The following KIAA1217 variants were observed in gnomAD, a reference collection of about 807,000 sequenced individuals.
The protein encoded by KIAA1217 is sickle tail protein homolog.
A neutral mutation model predicts 163.9 loss-of-function variants in KIAA1217; 88 were observed. The ratio of observed to expected loss-of-function variants is 0.54; its 90% CI spans 0.45 to 0.64. The LOEUF is 0.64. KIAA1217 is among the 30% of genes least tolerant of loss of function. KIAA1217 has a pLI of 0.00. For synonymous variants in KIAA1217, 903 were observed against 923.1 expected, an observed-to-expected ratio of 0.98 and a Z score of 0.39; for missense variants, 2,372 against 2,475.0, an observed-to-expected ratio of 0.96 and a Z score of 0.88.
At chr10:23,802,149 G>A (rs939283503) in intron 1 of KIAA1217, among the ~76,000 whole-genome samples, 1 of 152,124 alleles carries the variant, frequency 6.6e-6, no homozygotes, top group East Asian at 1.9e-4. Flanking sequence ...TTCAGATGAA[G>A]GGCAGATACA....
At chr10:24,350,832 A>AC (rs924208229) in intron 2 of KIAA1217, among the ~76,000 whole-genome samples, 2 of 151,792 alleles carry the variant, frequency 1.3e-5, no homozygotes, top group African/African-American at 4.8e-5. Context: ...AGTGAGAGAA[A>AC]AAAAAAAAAC....
At chr10:24,283,253 C>T (rs1240847104) in intron 2 of KIAA1217, among the ~76,000 whole-genome samples, 2 of 152,150 alleles carry the variant, frequency 1.3e-5, no homozygotes, top group Non-Finnish European at 2.9e-5. Flanking sequence ...CCCAGAATGT[C>T]ATATAATTAG....
At chr10:23,934,573 A>ATATGTGTGTGTGTGTGTGTATG (rs1335117690) in intron 1 of KIAA1217, among the ~76,000 whole-genome samples, 1 of 75,170 alleles carries the variant, frequency 1.3e-5, no homozygotes, top group Non-Finnish European at 2.1e-5. Context: ...ATATATATAT[A>ATATGTGTGTGTGTGTGTGTATG]TATATATATA....
chr10:24,397,113 T>C (rs1177539828), intron 3 of KIAA1217, among the ~76,000 whole-genome samples: 1 of 148,108 alleles, frequency 6.8e-6, no homozygotes, highest in Non-Finnish European at 1.5e-5. Flanking sequence ...AAACTCTTTT[T>C]TTTTTTTTTT....
intron 2 of KIAA1217, among the ~76,000 whole-genome samples, chr10:24,169,158 A>G (rs1468529796): frequency 1.3e-5 from 2 of 152,224 alleles, no homozygotes; most frequent in Non-Finnish European, 2.9e-5. Context: ...GTTGATCTTC[A>G]TTTATTATTT....
chr10:23,727,812 G>A (rs1027174199), intron 1 of KIAA1217, among the ~76,000 whole-genome samples: 7 of 151,980 alleles, frequency 4.6e-5, no homozygotes, highest in Admixed American at 3.3e-4. Context: ...CCCACCTCCC[G>A]ATGGGCCCTT....
chr10:24,411,802 T>G (rs569870530), intron 3 of KIAA1217, among the ~76,000 whole-genome samples: 89 of 152,184 alleles, frequency 5.8e-4, no homozygotes, highest in African/African-American at 2.0e-3. Context: ...TCTCATCTAA[T>G]TGAACACTAG....
At chr10:24,242,632 T>G (rs1458532957) in intron 2 of KIAA1217, among the ~76,000 whole-genome samples, 1 of 152,186 alleles carries the variant, frequency 6.6e-6, no homozygotes, top group Non-Finnish European at 1.5e-5. Flanking sequence ...AGTCAAATGG[T>G]AGTTCTGTTT....
intron 2 of KIAA1217, among the ~76,000 whole-genome samples, chr10:24,227,261 G>A (rs965476032): frequency 4.7e-5 from 7 of 148,108 alleles, no homozygotes; most frequent in East Asian, 4.1e-4. Flanking sequence ...GGGTTCAAGC[G>A]ATTCTCCTGC....
At chr10:23,780,674 A>T (rs1395140942) in intron 1 of KIAA1217, among the ~76,000 whole-genome samples, 1 of 151,556 alleles carries the variant, frequency 6.6e-6, no homozygotes, top group African/African-American at 2.4e-5. Context: ...GATATACCAG[A>T]TTTTCTTTTT....
intron 1 of KIAA1217, among the ~76,000 whole-genome samples, chr10:23,828,288 G>A (rs1838000733): frequency 6.6e-6 from 1 of 152,080 alleles, no homozygotes; most frequent in South Asian, 2.1e-4. Context: ...GTTCTAGCTT[G>A]GGTAGCCAGG....
intron 5 of KIAA1217, among the ~76,000 whole-genome samples, chr10:24,469,820 C>T (rs2063314990): frequency 6.6e-6 from 1 of 152,164 alleles, no homozygotes; most frequent in African/African-American, 2.4e-5. Flanking sequence ...CCACGTTGGC[C>T]AGGCTGGTCT....
intron 1 of KIAA1217, among the ~76,000 whole-genome samples, chr10:23,757,380 C>T (rs1037814728): frequency 2.0e-5 from 3 of 152,094 alleles, no homozygotes; most frequent in Non-Finnish European, 4.4e-5. Flanking sequence ...CCACTAACAC[C>T]GGTCATTTTT....
chr10:24,128,356 A>C (rs1167081279), intron 2 of KIAA1217, among the ~76,000 whole-genome samples: 1 of 152,196 alleles, frequency 6.6e-6, no homozygotes, highest in Non-Finnish European at 1.5e-5. Flanking sequence ...CCTGGGTTGC[A>C]CCCTAGATTA....
intron 1 of KIAA1217, among the ~76,000 whole-genome samples, chr10:23,884,971 TCTGCCA>T (rs977853797): frequency 9.9e-5 from 15 of 152,038 alleles, no homozygotes; most frequent in Admixed American, 9.2e-4. Flanking sequence ...TCGGAGTGGG[TCTGCCA>T]CCTTTCCTCT....
chr10:24,326,415 T>G (rs192952486), intron 2 of KIAA1217, among the ~76,000 whole-genome samples: 5 of 152,296 alleles, frequency 3.3e-5, no homozygotes, highest in Admixed American at 3.3e-4. Context: ...CAAAATACTT[T>G]GGTTTAGCTC....
At chr10:24,369,662 C>A (rs1030917180) in intron 2 of KIAA1217, among the ~76,000 whole-genome samples, 1 of 152,180 alleles carries the variant, frequency 6.6e-6, no homozygotes, top group African/African-American at 2.4e-5. Flanking sequence ...GTGTACTTAG[C>A]ACCATGTTTT....
chr10:24,121,023 G>A (rs542617065), intron 2 of KIAA1217, among the ~76,000 whole-genome samples: 16 of 152,266 alleles, frequency 1.1e-4, no homozygotes, highest in East Asian at 1.9e-4. Flanking sequence ...GCTCATTCAC[G>A]TATTTCAATG....
intron 2 of KIAA1217, among the ~76,000 whole-genome samples, chr10:24,008,823 G>A (rs1847122492): frequency 6.6e-6 from 1 of 152,166 alleles, no homozygotes; most frequent in South Asian, 2.1e-4. Flanking sequence ...CGTAACACGA[G>A]GGAGCAGACC....
Sources: gnomAD v4.1 joint callset for allele counts (sites outside exome capture counted in the v4.1 genomes callset) on GRCh38, gnomAD v4.1.1 for gene constraint, MANE v1.5 for transcripts, NCBI Gene and HGNC (gene_info 2026-07-23, HGNC 2026-07-21) for gene names.